The following ADGRD1 variants were observed in gnomAD, a reference collection of about 807,000 sequenced individuals.
The protein encoded by ADGRD1 is G-protein coupled receptor 133.
Under a neutral mutation model 113.4 loss-of-function variants are expected in ADGRD1, and 77 were observed. That is an observed-to-expected ratio of 0.68 (90% CI 0.57 to 0.82). The LOEUF is 0.82. ADGRD1 is among the 40% of genes least tolerant of loss of function. ADGRD1 has a pLI of 0.00. For synonymous variants in ADGRD1, 474 were observed against 475.0 expected, an observed-to-expected ratio of 1.00 and a Z score of 0.03; for missense variants, 1,036 against 1,139.1, an observed-to-expected ratio of 0.91 and a Z score of 1.30.
chr12:131,136,668 A>C (rs1212762273), intron 22 of ADGRD1, among the ~76,000 whole-genome samples: 1 of 152,212 alleles, frequency 6.6e-6, no homozygotes, highest in Non-Finnish European at 1.5e-5. Flanking sequence ...TCTGCAGGCC[A>C]GTGGCACGTC....
At chr12:131,032,681 A>C (rs900930525) in intron 13 of ADGRD1, among the ~76,000 whole-genome samples, 1 of 144,382 alleles carries the variant, frequency 6.9e-6, no homozygotes, top group African/African-American at 2.6e-5. Flanking sequence ...CGTCACAGAG[A>C]TGACATTTAT....
intron 2 of ADGRD1, among the ~76,000 whole-genome samples, chr12:130,955,723 G>A (rs975401110): frequency 6.6e-5 from 10 of 152,138 alleles, no homozygotes; most frequent in South Asian, 2.1e-4. Flanking sequence ...GCACCCCCCC[G>A]AGCGCTATTG....
chr12:131,005,087 T>C (rs12312121), intron 11 of ADGRD1, among the ~76,000 whole-genome samples: 48,352 of 152,066 alleles, frequency 0.32, 7,879 homozygotes, highest in African/African-American at 0.35. Flanking sequence ...CAGACATCTC[T>C]CTCTGCAGTG....
intron 9 of ADGRD1, among the ~76,000 whole-genome samples, chr12:131,001,730 T>G (rs1182438065): frequency 1.3e-5 from 2 of 152,208 alleles, no homozygotes; most frequent in East Asian, 1.9e-4. Context: ...TGCTGGCTTC[T>G]CAATATGTGG....
At chr12:130,969,297 C>A in intron 3 of ADGRD1, 1 of 498,150 alleles carries the variant, frequency 2.0e-6, no homozygotes, top group Non-Finnish European at 3.6e-6. Context: ...GTCCCTGGGC[C>A]ACAGACTGGC....
chr12:131,108,595 C>G, intron 17 of ADGRD1, 129 bp from the exon 18 acceptor site: 1 of 1,296,552 alleles, frequency 7.7e-7, no homozygotes. Context: ...CAGGAAGATA[C>G]CCTGGGAAGA....
chr12:130,991,081 G>A lies in ADGRD1; in HGVS notation c.810+3G>A. The stretch of plus-strand genomic sequence containing the variant: ...TGACATCCACAGCAAGCCCCGTGGT[G>A]AGCAGACACATCTTCCTTGGTCCCC... On this transcript the variant is annotated splice_donor_region_variant and intron_variant, in intron 7 of 24. Coordinates refer to ENST00000261654, the MANE Select transcript of ADGRD1 (RefSeq NM_198827.5). 6.2e-7 allele frequency: 1 copy of A among 1,612,944 alleles called. No individual in the cohort carries two copies. The highest frequency in any genetic ancestry group is 8.5e-7 in the Non-Finnish European group (1 of 1,178,996).
At position 130,954,828 on chromosome 12, in the gene ADGRD1, G is replaced by C. The variant is rs969588238; in HGVS notation, c.103+168G>C. 3.3e-5 allele frequency among the ~76,000 whole-genome samples: 5 copies of C among 152,214 alleles called. No individual in the cohort carries two copies. The highest frequency in any genetic ancestry group is 7.3e-5 in the Non-Finnish European group (5 of 68,032). ...ACACACTGTGACCCTGGGCAGCTCT[G>C]CTACCCCTCACCGGCTGAGCGGTGG... On this transcript the variant is annotated intron_variant, in intron 2 of 24. Coordinates refer to ENST00000261654, the MANE Select transcript of ADGRD1 (RefSeq NM_198827.5). This position sits in a 1 kb window ranked among gnomAD's most constrained non-coding sequence, Gnocchi z 4.7.
At chr12:131,120,027 C>T (rs1950555506) in intron 19 of ADGRD1, among the ~76,000 whole-genome samples, 1 of 152,122 alleles carries the variant, frequency 6.6e-6, no homozygotes, top group African/African-American at 2.4e-5. Flanking sequence ...TCAGGGGCAG[C>T]ATAGGATTAA....
chr12:130,987,114 C>T lies in ADGRD1; in HGVS notation c.510C>T (p.Val170=). ...FSPPGPYWTH[V]LFTWKSKEGL... Reference sequence around the variant, plus strand: ...TTCCAGGCCCCTATTGGACTCATGTCCTATTTACATGGAAATCCAAGGAGG... The same window carrying T: ...TTCCAGGCCCCTATTGGACTCATGTTCTATTTACATGGAAATCCAAGGAGG... Residue 170 remains valine, a synonymous_variant, in exon 6 of 25, where the codon GTC becomes GTT. Coordinates refer to ENST00000261654, the MANE Select transcript of ADGRD1 (RefSeq NM_198827.5). 2 of 1,613,840 alleles carry T rather than the reference C, an allele frequency of 1.2e-6. No individual in the cohort carries two copies. Among genetic ancestry groups the T allele is most frequent in the African/African-American group, 1.3e-5 (1 of 75,052 alleles).
In ADGRD1 at chr12:131,027,689, T is replaced by C. The variant is rs1195808118; in HGVS notation, c.1473+13349T>C. 2.0e-5 allele frequency: 3 copies of C among 152,156 alleles called. No individual in the cohort carries two copies. Among genetic ancestry groups the C allele is most frequent in the Admixed American group, 6.5e-5 (1 of 15,274 alleles). The allele number at this position is 152,156 out of a possible 1,614,324, so 9.4% of individuals were successfully genotyped here. On this transcript the variant is annotated intron_variant, in intron 13 of 24. Transcript: ENST00000261654. The surrounding 1 kb of genome is among the most constrained non-coding windows in gnomAD (Gnocchi z 5.1). ...ATTGTAGAGTCACAGAGAAACAAATTAGAGCTAGGGGTTCAGGGTTACTCA... is the reference window on the plus strand; with the variant it reads ...ATTGTAGAGTCACAGAGAAACAAATCAGAGCTAGGGGTTCAGGGTTACTCA...
rs369721533 is a variant in ADGRD1 at position 131,060,420 on chromosome 12, C to T, written c.1474-16381C>T. Among the ~76,000 whole-genome samples the T allele has an allele frequency of 1.2e-4, 18 of 152,296 alleles. No individual in the cohort carries two copies. The East Asian group carries it at 1.5e-3, about 13-fold the overall frequency. On this transcript the variant is annotated intron_variant, in intron 13 of 24. Coordinates refer to ENST00000261654, the MANE Select transcript of ADGRD1 (RefSeq NM_198827.5). This position sits in a 1 kb window ranked among gnomAD's most constrained non-coding sequence, Gnocchi z 4.4. ...GGAGGCAAATAATCCACGCAGGCAGCGACAGCAGGGGTCATGTTCAAAAGA... is the reference window on the plus strand; with the variant it reads ...GGAGGCAAATAATCCACGCAGGCAGTGACAGCAGGGGTCATGTTCAAAAGA...
rs766568862 is a variant in ADGRD1, at chr12:131,014,326, C to T, written c.1459C>T (p.Leu487Phe). The stretch of plus-strand genomic sequence containing the variant: ...GGGCTCTCCACTCATTACGGTCCAC[C>T]TCAAGCACAGATTGGTGAGTGGCGG... ...LSGSPLITVH[L>F]KHRLTRKQHS... is the part of the protein sequence containing the mutation. Residue 487 changes from leucine to phenylalanine, a missense_variant, in exon 13 of 25, where the codon CTC (leucine) becomes TTC (phenylalanine). Coordinates refer to ENST00000261654, the MANE Select transcript of ADGRD1 (RefSeq NM_198827.5). The T allele has an allele frequency of 6.2e-7, 1 of 1,613,276 alleles. No individual in the cohort carries two copies. Among genetic ancestry groups the T allele is most frequent in the South Asian group, 1.1e-5 (1 of 90,892 alleles).
At chr12:131,080,853 C>T (rs1385610821) in intron 14 of ADGRD1, among the ~76,000 whole-genome samples, 1 of 152,214 alleles carries the variant, frequency 6.6e-6, no homozygotes, top group African/African-American at 2.4e-5. Flanking sequence ...ATCTCCTGAC[C>T]TCGTGATCCG....
intron 13 of ADGRD1, among the ~76,000 whole-genome samples, chr12:131,044,648 C>T (rs1487774746): frequency 6.6e-6 from 1 of 152,216 alleles, no homozygotes; most frequent in Non-Finnish European, 1.5e-5. Flanking sequence ...CCCCTGAGAA[C>T]CCCGCTGCCC....
At chr12:131,130,521 G>A (rs905780481) in intron 20 of ADGRD1, among the ~76,000 whole-genome samples, 5 of 152,236 alleles carry the variant, frequency 3.3e-5, no homozygotes, top group Non-Finnish European at 7.3e-5. Flanking sequence ...AGCCCTGGGC[G>A]GAGGGCTCCT....
chr12:131,080,654 T>C (rs1307350077), intron 14 of ADGRD1, among the ~76,000 whole-genome samples: 1 of 152,214 alleles, frequency 6.6e-6, no homozygotes, highest in Non-Finnish European at 1.5e-5. Flanking sequence ...AGAGTCTCGC[T>C]CTGTAACCCA....
intron 9 of ADGRD1, chr12:131,002,723 G>A: frequency 2.4e-6 from 3 of 1,247,462 alleles, no homozygotes; most frequent in Non-Finnish European, 3.1e-6. Context: ...GATAGCTCTG[G>A]GTGCCGGCAC....
Position 131,084,439 on chromosome 12 carries a change from T to C in ADGRD1, c.1548-101T>C, listed in dbSNP as rs963140360. 2 of 1,312,138 alleles carry C rather than the reference T, an allele frequency of 1.5e-6. No individual in the cohort carries two copies. Among genetic ancestry groups the C allele is most frequent in the African/African-American group, 1.5e-5 (1 of 68,948 alleles). The allele number at this position is 1,312,138 out of a possible 1,614,324, so 81.3% of individuals were successfully genotyped here. On this transcript the variant is annotated intron_variant, in intron 14 of 24. Coordinates refer to ENST00000261654, the MANE Select transcript of ADGRD1 (RefSeq NM_198827.5). This position sits in a 1 kb window ranked among gnomAD's most constrained non-coding sequence, Gnocchi z 4.5. ...GGCGTGGCAGGTGTGGGCGCCGCCA[T>C]GAGTTCACGGGGCCATGTGTTATGG...
Sources: allele counts gnomAD v4.1 joint callset (sites outside exome capture counted in the v4.1 genomes callset), GRCh38; gene constraint gnomAD v4.1.1; non-coding constraint Gnocchi (gnomAD v3.1); transcripts MANE v1.5; gene names NCBI Gene and HGNC (gene_info 2026-07-23, HGNC 2026-07-21).